Variants in HDAC9 observed in about 807,000 individuals in gnomAD.
The protein encoded by HDAC9 is MEF-2 interacting transcription repressor (MITR) protein.
A neutral mutation model predicts 139.4 loss-of-function variants in HDAC9; 41 were observed. The ratio of observed to expected loss-of-function variants is 0.29; its 90% CI spans 0.23 to 0.38. HDAC9 has a LOEUF of 0.38. Ranked by LOEUF, HDAC9 falls within the 10% of genes least tolerant of loss-of-function variation. The pLI is 1.00. For synonymous variants in HDAC9, 517 were observed against 476.2 expected, an observed-to-expected ratio of 1.09 and a Z score of -1.12; for missense variants, 1,147 against 1,297.0, an observed-to-expected ratio of 0.88 and a Z score of 1.78.
In HDAC9 at chr7:18,319,344, A is replaced by C. The variant is rs190618979; in HGVS notation, c.-42+28829A>C. 8.5e-5 allele frequency among the ~76,000 whole-genome samples: 13 copies of C among 152,300 alleles called. No individual in the cohort carries two copies. The East Asian group carries it at 2.5e-3, about 29-fold the overall frequency. ...ATTTAAACATAAACTATAAAGCCAA[A>C]ATGCAGTTTAAAATTAGGCACAATG... On this transcript the variant is annotated intron_variant, in intron 1 of 3. Transcript: ENST00000413509.
intron 24 of HDAC9, among the ~76,000 whole-genome samples, chr7:18,960,263 T>A (rs1304724719): frequency 6.6e-6 from 1 of 152,092 alleles, no homozygotes; most frequent in Non-Finnish European, 1.5e-5. Context: ...GAAATCAGAT[T>A]TTCCCTGGGA....
At chr7:18,578,083 C>T in intron 2 of HDAC9, 1 of 514,348 alleles carries the variant, frequency 1.9e-6, no homozygotes, top group Non-Finnish European at 3.9e-6. Context: ...CCCAAAGATC[C>T]CTTTCCCAGA....
At chr7:18,810,759 G>T (rs1201133254) in intron 17 of HDAC9, among the ~76,000 whole-genome samples, 2 of 151,714 alleles carry the variant, frequency 1.3e-5, no homozygotes, top group African/African-American at 4.8e-5. Flanking sequence ...TATATAAATG[G>T]CAGTATAGAG....
intron 17 of HDAC9, among the ~76,000 whole-genome samples, chr7:18,825,980 G>T (rs1446895997): frequency 6.6e-6 from 1 of 151,318 alleles, no homozygotes. Context: ...AATTTGGAGG[G>T]GAATTATACA....
intron 22 of HDAC9, among the ~76,000 whole-genome samples, chr7:18,923,546 C>T (rs556365943): frequency 4.3e-4 from 66 of 152,068 alleles, no homozygotes; most frequent in Non-Finnish European, 7.6e-4. Context: ...CTGTCCTCTG[C>T]TTACCTCACT....
intron 2 of HDAC9, among the ~76,000 whole-genome samples, chr7:18,205,387 C>T (rs1292776947): frequency 6.6e-6 from 1 of 151,916 alleles, no homozygotes; most frequent in Admixed American, 6.6e-5. Context: ...CATTGAGCTT[C>T]TCCTGTGTTA....
intron 2 of HDAC9, among the ~76,000 whole-genome samples, chr7:18,206,671 TA>T (rs1185966326): frequency 1.3e-5 from 2 of 152,056 alleles, no homozygotes; most frequent in Non-Finnish European, 2.9e-5. Flanking sequence ...ATGTGAATCA[TA>T]AAAAAATAAT....
intron 1 of HDAC9, among the ~76,000 whole-genome samples, chr7:18,396,490 C>T (rs1585608894): frequency 6.6e-6 from 1 of 151,926 alleles, no homozygotes; most frequent in Admixed American, 6.6e-5. Context: ...TTGATATTCC[C>T]CCCTCCCCAC....
At chr7:18,983,513 T>G (rs1785095174) in intron 25 of HDAC9, among the ~76,000 whole-genome samples, 1 of 152,222 alleles carries the variant, frequency 6.6e-6, no homozygotes, top group African/African-American at 2.4e-5. Flanking sequence ...ATTTTTAATT[T>G]CTTGAGGAAT....
rs1036843511 is a variant in HDAC9, at chr7:18,201,598, G to A, written c.25+39249G>A. Among the ~76,000 whole-genome samples the A allele has an allele frequency of 3.9e-5, 6 of 152,290 alleles. No homozygotes were observed. In the East Asian group the frequency reaches 7.7e-4, roughly 20 times the overall value. On this transcript the variant is annotated intron_variant, in intron 2 of 12. Coordinates refer to the HDAC9 transcript ENST00000417496. ...ACCTCTGAGAGACTCCAGGAACCAA[G>A]GGCCTCCTGCCAAGGGAAGGGCCTC...
At chr7:18,326,250 T>G (rs912297906) in intron 1 of HDAC9, among the ~76,000 whole-genome samples, 5 of 151,994 alleles carry the variant, frequency 3.3e-5, no homozygotes, top group African/African-American at 4.8e-5. Context: ...TTTCAAGAAC[T>G]TAACTTAAAG....
At chr7:18,792,994 G>A (rs1451994162) in intron 16 of HDAC9, among the ~76,000 whole-genome samples, 5 of 152,256 alleles carry the variant, frequency 3.3e-5, no homozygotes, top group Admixed American at 2.6e-4. Flanking sequence ...CTGGGGCCTG[G>A]TTTCTAGCAG....
intron 12 of HDAC9, among the ~76,000 whole-genome samples, chr7:18,701,423 A>C (rs1418113038): frequency 2.6e-5 from 4 of 152,092 alleles, no homozygotes; most frequent in African/African-American, 9.6e-5. Context: ...AAACAAAAAA[A>C]AAAAACACAA....
chr7:18,783,153 T>G (rs1791398183), intron 16 of HDAC9, among the ~76,000 whole-genome samples: 1 of 152,116 alleles, frequency 6.6e-6, no homozygotes. Context: ...TTATTGGTAG[T>G]CATTCTCTCT....
intron 23 of HDAC9, chr7:18,949,856 A>G (rs1408437631): frequency 6.6e-6 from 1 of 152,036 alleles, no homozygotes; most frequent in Non-Finnish European, 1.5e-5. Context: ...TCACACCAGG[A>G]TTGAAAATTT....
chr7:18,611,003 C>T (rs771898986), intron 6 of HDAC9, among the ~76,000 whole-genome samples: 18 of 152,138 alleles, frequency 1.2e-4, no homozygotes, highest in Admixed American at 7.9e-4. Flanking sequence ...CTGCTAACAA[C>T]ACAATAGAGT....
chr7:18,177,182 T>C (rs965086949), intron 2 of HDAC9, among the ~76,000 whole-genome samples: 3 of 152,182 alleles, frequency 2.0e-5, no homozygotes, highest in African/African-American at 7.2e-5. Flanking sequence ...ATAAGTAAGT[T>C]ATGGAAAATA....
At chr7:18,471,715 A>G (rs945912688) in intron 1 of HDAC9, among the ~76,000 whole-genome samples, 1 of 151,958 alleles carries the variant, frequency 6.6e-6, no homozygotes, top group Non-Finnish European at 1.5e-5. Flanking sequence ...ATTCTGAGAG[A>G]TTGGGATTGG....
At chr7:18,091,432 A>G (rs1782138088) in intron 1 of HDAC9, among the ~76,000 whole-genome samples, 2 of 152,196 alleles carry the variant, frequency 1.3e-5, no homozygotes, top group South Asian at 2.1e-4. Context: ...TAGTTCTAGT[A>G]CAGTAGTGAT....
Sources: allele counts gnomAD v4.1 joint callset (sites outside exome capture counted in the v4.1 genomes callset), GRCh38; gene constraint gnomAD v4.1.1; transcripts MANE v1.5; gene names NCBI Gene and HGNC (gene_info 2026-07-23, HGNC 2026-07-21).